Variants in PZP observed in about 807,000 individuals in gnomAD.
PZP encodes the protein PZP alpha-2-macroglobulin like, also known as pregnancy zone protein.
Under a neutral mutation model 179.8 loss-of-function variants are expected in PZP, and 150 were observed. The ratio of observed to expected loss-of-function variants is 0.83; its 90% CI spans 0.73 to 0.96. The LOEUF (loss-of-function observed/expected upper bound fraction) is 0.96. PZP is among the 40% of genes least tolerant of loss of function. The probability of loss-of-function intolerance (pLI) is 0.00; values close to 1 mark genes in which losing one functional copy is unlikely to be tolerated. For missense variants in PZP, 1,689 were observed against 1,764.0 expected (o/e 0.96, Z 0.76); for synonymous variants, 624 against 652.3 (o/e 0.96, Z 0.66).
chr12:9,182,204 T>A, intron 13 of PZP, 87 bp from the exon 14 acceptor site: 1 of 848,134 alleles, frequency 1.2e-6, no homozygotes, highest in East Asian at 4.1e-5. Context: ...TATTGCTTGG[T>A]CTTATCCACT....
chr12:9,206,983 A>G (rs2121265035), intron 1 of PZP, among the ~76,000 whole-genome samples: 1 of 152,306 alleles, frequency 6.6e-6, no homozygotes, highest in Non-Finnish European at 1.5e-5. Context: ...TGGAAGTAGT[A>G]GAGCCCACTG....
chr12:9,201,072 C>G lies in PZP; in HGVS notation c.502-12G>C. The G allele has an allele frequency of 6.2e-7, 1 of 1,613,410 alleles. No individual in the cohort carries two copies. Among genetic ancestry groups the G allele is most frequent in the South Asian group, 1.1e-5 (1 of 90,970 alleles). Reference sequence around the variant, plus strand: ...TTTCTTCTTGGGTTCTGAAGGGAAACAAGAAACATGGGCGGTAATCATTTA... The same window carrying G: ...TTTCTTCTTGGGTTCTGAAGGGAAAGAAGAAACATGGGCGGTAATCATTTA... On this transcript the variant is annotated splice_polypyrimidine_tract_variant and intron_variant, in intron 5 of 35. Transcript: ENST00000261336.
the PZP span, among the ~76,000 whole-genome samples, chr12:9,140,930 G>A: frequency 7.9e-5 from 12 of 152,230 alleles, no homozygotes; most frequent in Non-Finnish European, 2.9e-5. Context: ...TTCAAATCAT[G>A]TTCTGTTACA....
Position 9,196,459 on chromosome 12 carries a change from A to G in PZP, c.983-20T>C. ...CCAGGTCTGAAAAATATAAAGAGTC[A>G]GTACTTTTAGAAGTTACTTTAGTCA... On this transcript the variant is annotated intron_variant, in intron 9 of 35. Coordinates refer to ENST00000261336, the MANE Select transcript of PZP (RefSeq NM_002864.3). 1 of 1,588,608 alleles carries G rather than the reference A, an allele frequency of 6.3e-7. No homozygotes were observed. Among genetic ancestry groups the G allele is most frequent in the Non-Finnish European group, 8.6e-7 (1 of 1,157,416 alleles).
At chr12:9,203,468 G>A (rs113593064) in intron 2 of PZP, among the ~76,000 whole-genome samples, 4 of 151,286 alleles carry the variant, frequency 2.6e-5, no homozygotes, top group African/African-American at 4.9e-5. Context: ...CAGCCTCCCA[G>A]GTAGCTGGGA....
chr12:9,199,439 G>A (rs1211571843), intron 7 of PZP, among the ~76,000 whole-genome samples: 1 of 152,042 alleles, frequency 6.6e-6, no homozygotes, highest in Non-Finnish European at 1.5e-5. Context: ...ATTATTTCAG[G>A]TTATTAAACA....
In PZP at chr12:9,208,338, G is replaced by A. The variant is rs370932887; in HGVS notation, c.4C>T (p.Arg2Trp). 1.6e-5 allele frequency: 25 copies of A among 1,611,668 alleles called. No homozygotes were observed. The Middle Eastern group carries it at 6.6e-4, about 42-fold the overall frequency. ...CATAAATGAAGAAGTCTGTCTTTCC[G>A]CATTGTGAGGGATAAATCTCAGGGT... The part of the protein sequence containing the change: M[R>W]KDRLLHLCLV... Residue 2 changes from arginine (R) to tryptophan (W), a missense_variant, in exon 1 of 36, where the codon CGG becomes TGG. Physicochemically the swap from Arg to Trp is moderately radical, Grantham distance 101. Coordinates refer to ENST00000261336, the MANE Select transcript of PZP (RefSeq NM_002864.3).
intron 10 of PZP, 78 bp from the exon 11 acceptor site, chr12:9,194,316 C>A: frequency 7.3e-7 from 1 of 1,363,516 alleles, no homozygotes; most frequent in Non-Finnish European, 1.0e-6. Flanking sequence ...AATGCTTTTG[C>A]TGCTATAACT....
At position 9,169,473 on chromosome 12, in the gene PZP, A is replaced by G. The variant is rs1294460385; in HGVS notation, c.1958T>C (p.Val653Ala). Residue 653 changes from valine to alanine, a missense_variant, in exon 16 of 36, where the codon GTT becomes GCT. By Grantham distance (64) the Val-to-Ala change is moderately conservative. Transcript: ENST00000261336. ...ATCTGCTTCATTACTTGATAAGGGA[A>G]CATAGATGGCTCCATTATGAATGAA... ...PFFIHNGAIY[V>A]PLSSNEADIY... 1.2e-6 allele frequency: 2 copies of G among 1,612,146 alleles called. No individual in the cohort carries two copies. Among genetic ancestry groups the G allele is most frequent in the Non-Finnish European group, 1.7e-6 (2 of 1,178,642 alleles).
intron 7 of PZP, 83 bp downstream of exon 7, chr12:9,200,281 A>G (rs1944078026): frequency 3.3e-6 from 3 of 911,392 alleles, no homozygotes; most frequent in Non-Finnish European, 4.9e-6. Flanking sequence ...GCTGAGGCAA[A>G]GTAAATTTAT....
chr12:9,201,914 T>C (rs1173783923), intron 4 of PZP, among the ~76,000 whole-genome samples: 1 of 152,084 alleles, frequency 6.6e-6, no homozygotes, highest in Non-Finnish European at 1.5e-5. Flanking sequence ...TTCTATACTA[T>C]ATGTATCGAA....
chr12:9,153,059 A>G, intron 30 of PZP, 66 bp downstream of exon 30: 2 of 1,606,990 alleles, frequency 1.2e-6, no homozygotes, highest in Non-Finnish European at 1.7e-6. Flanking sequence ...GAAGGAAGGA[A>G]CAGAGTTTCC....
At chr12:9,171,153 C>T (rs915187405) in intron 15 of PZP, among the ~76,000 whole-genome samples, 1 of 152,220 alleles carries the variant, frequency 6.6e-6, no homozygotes, top group Admixed American at 6.5e-5. Flanking sequence ...AAGGCACAGG[C>T]TGCCATCTTT....
At chr12:9,144,651 A>C (rs1263715835), downstream of PZP, among the ~76,000 whole-genome samples, 1 of 151,934 alleles carries the variant, frequency 6.6e-6, no homozygotes, top group East Asian at 1.9e-4. Context: ...ACAGACTAAG[A>C]GTATTTAAGG....
Position 9,192,739 on chromosome 12 carries a change from C to A in PZP, c.1255G>T (p.Val419Phe). 6.3e-7 allele frequency: 1 copy of A among 1,588,636 alleles called. No homozygotes were observed. The highest frequency in any genetic ancestry group is 8.6e-7 in the Non-Finnish European group (1 of 1,158,246). The part of the protein sequence containing the change: ...SISVNKLFVR[V>F]FTVHPNLCFH... ...CACAAGTTGGGATGCACAGTGAAAA[C>A]CTGAGTAAACAGAAAAGCAAAGAAA... The change falls in exon 12 of 36, where the codon GTT (valine) becomes TTT (phenylalanine). Residue 419 changes from valine to phenylalanine, a missense_variant and splice_region_variant. Val to Phe is a conservative substitution (Grantham distance 50). Coordinates refer to ENST00000261336, the MANE Select transcript of PZP (RefSeq NM_002864.3).
chr12:9,152,170 A>C (rs747692925), intron 32 of PZP, 50 bp downstream of exon 32: 2 of 1,294,774 alleles, frequency 1.5e-6, no homozygotes, highest in South Asian at 2.4e-5. Flanking sequence ...TAGTTTGGGG[A>C]TACAGAACAT....
At chr12:9,161,972 G>C (rs1055972179) in intron 22 of PZP, among the ~76,000 whole-genome samples, 1 of 151,854 alleles carries the variant, frequency 6.6e-6, no homozygotes, top group African/African-American at 2.4e-5. Flanking sequence ...TTGTTTGCTT[G>C]TTTGTTTTTT....
intron 15 of PZP, among the ~76,000 whole-genome samples, chr12:9,171,512 T>C (rs141398191): frequency 1.3e-5 from 2 of 152,262 alleles, no homozygotes; most frequent in East Asian, 1.9e-4. Context: ...AGGCTAAGAA[T>C]TGACAGAAGT....
At chr12:9,208,174 T>A (rs1341625293) in intron 1 of PZP, 85 bp downstream of exon 1, 1 of 935,906 alleles carries the variant, frequency 1.1e-6, no homozygotes, top group Non-Finnish European at 1.8e-6. Context: ...AGTGGAAAGG[T>A]GGCATTTACA....
Sources: gnomAD v4.1 joint callset for allele counts (sites outside exome capture counted in the v4.1 genomes callset) on GRCh38, gnomAD v4.1.1 for gene constraint, MANE v1.5 for transcripts, NCBI Gene and HGNC (gene_info 2026-07-23, HGNC 2026-07-21) for gene names.